The following NWD1 variants were observed in gnomAD, a reference collection of about 807,000 sequenced individuals.
The protein encoded by NWD1 is NACHT domain- and WD repeat-containing protein 1.
NWD1 carries 129 observed loss-of-function variants against 135.1 expected under a neutral mutation model. That is an observed-to-expected ratio of 0.96 (90% CI 0.83 to 1.11). NWD1 has a LOEUF of 1.11. Among genes scored for constraint, NWD1 ranks in the 50% least tolerant of loss-of-function variants. The pLI is 0.00. For missense variants in NWD1, 1,740 were observed against 1,851.3 expected (o/e 0.94, Z 1.10); for synonymous variants, 773 against 786.0 (o/e 0.98, Z 0.28).
At chr19:16,746,674 AAC>A (rs1404590512) in intron 5 of NWD1, among the ~76,000 whole-genome samples, 13 of 116,388 alleles carry the variant, frequency 1.1e-4, no homozygotes, top group Non-Finnish European at 1.7e-4. Context: ...TCTGTCTAAA[AAC>A]AAAAAACAAA....
At chr19:16,783,669 A>G (rs1447780107) in intron 12 of NWD1, among the ~76,000 whole-genome samples, 1 of 149,610 alleles carries the variant, frequency 6.7e-6, no homozygotes, top group Non-Finnish European at 1.5e-5. Context: ...AAATAAATAA[A>G]ATAAAAATAA....
At chr19:16,737,774 C>A (rs531016156) in intron 4 of NWD1, among the ~76,000 whole-genome samples, 19 of 151,646 alleles carry the variant, frequency 1.3e-4, no homozygotes, top group Non-Finnish European at 2.5e-4. Flanking sequence ...GAGATTGAGA[C>A]CAGCCTGGGC....
At chr19:16,788,375 C>T (rs886428675) in intron 12 of NWD1, among the ~76,000 whole-genome samples, 2 of 150,474 alleles carry the variant, frequency 1.3e-5, no homozygotes, top group Non-Finnish European at 1.5e-5. Context: ...TCAAGGCCAG[C>T]CTCGCCAACA....
Position 16,723,745 on chromosome 19 carries a change from G to T in NWD1, c.-104-621G>T, listed in dbSNP as rs998434182. ...GATGGACTGTCCCTCTGTTGCCAAG[G>T]CTGGGTGTGGTGTGATCTCAGCTCA... On this transcript the variant is annotated intron_variant, in intron 1 of 18. Transcript: ENST00000524140. Among the ~76,000 whole-genome samples, 3 of 152,050 alleles carry T rather than the reference G, an allele frequency of 2.0e-5. No individual in the cohort carries two copies. In the South Asian group the frequency reaches 6.2e-4, roughly 32 times the overall value.
chr19:16,785,444 G>T (rs944187641), intron 12 of NWD1, among the ~76,000 whole-genome samples: 1 of 151,830 alleles, frequency 6.6e-6, no homozygotes, highest in African/African-American at 2.4e-5. Flanking sequence ...CCTGGAGTGG[G>T]AGGTTGCAGT....
chr19:16,783,739 A>G (rs1969943349), intron 12 of NWD1, among the ~76,000 whole-genome samples: 1 of 151,648 alleles, frequency 6.6e-6, no homozygotes, highest in Admixed American at 6.6e-5. Context: ...TAAAACAAAT[A>G]AACAAATAAA....
intron 4 of NWD1, among the ~76,000 whole-genome samples, chr19:16,737,057 C>T (rs771602253): frequency 3.8e-4 from 57 of 151,682 alleles, no homozygotes; most frequent in Non-Finnish European, 6.3e-4. Context: ...CACTTTATGT[C>T]TATAGAACTT....
chr19:16,778,500 T>TCTTCTTCTTC (rs1568373636), intron 11 of NWD1, among the ~76,000 whole-genome samples: 1 of 140,644 alleles, frequency 7.1e-6, no homozygotes, highest in African/African-American at 3.1e-5. Context: ...TCTTCTTTTT[T>TCTTCTTCTTC]TTTTTTTTGT....
intron 10 of NWD1, among the ~76,000 whole-genome samples, chr19:16,768,636 T>G (rs1056849216): frequency 6.6e-6 from 1 of 152,096 alleles, no homozygotes; most frequent in African/African-American, 2.4e-5. Context: ...CTCACACATT[T>G]TAATTTTACA....
At chr19:16,741,881 T>G (rs1172637582) in intron 4 of NWD1, among the ~76,000 whole-genome samples, 1 of 151,486 alleles carries the variant, frequency 6.6e-6, no homozygotes, top group Non-Finnish European at 1.5e-5. Flanking sequence ...GAGGCTGAGG[T>G]GGGCAGATTA....
At chr19:16,732,233 A>T (rs1170226793) in intron 3 of NWD1, among the ~76,000 whole-genome samples, 4 of 133,282 alleles carry the variant, frequency 3.0e-5, no homozygotes, top group African/African-American at 1.2e-4. Flanking sequence ...AAAAAAAAAA[A>T]AGGCAGATGG....
intron 11 of NWD1, among the ~76,000 whole-genome samples, chr19:16,778,494 C>CTTT (rs11307621): frequency 4.0e-4 from 43 of 107,564 alleles, no homozygotes; most frequent in African/African-American, 1.7e-3. Context: ...TCTTCTTCTT[C>CTTT]TTTTTTTTTT....
rs1371576867 is a variant in NWD1 at position 16,817,902 on chromosome 19, T to C, written c.*2863T>C. On this transcript the variant is annotated 3_prime_UTR_variant, in exon 19 of 19. Coordinates refer to ENST00000524140, the MANE Select transcript of NWD1 (RefSeq NM_001007525.5). ...GAGAATTGATTGTTTTGTAGATAAA[T>C]CCTAATTTAAACATTGGAAATGCCT... The C allele has an allele frequency of 2.6e-5, 4 of 152,192 alleles. No homozygotes were observed. Among genetic ancestry groups the C allele is most frequent in the Non-Finnish European group, 5.9e-5 (4 of 68,020 alleles). The allele number at this position is 152,192 out of a possible 1,614,324, so 9.4% of individuals were successfully genotyped here.
In NWD1 at chr19:16,749,685, C is replaced by A; in HGVS notation, c.1043C>A (p.Thr348Lys). Reference sequence around the variant, plus strand: ...TTTGGGCCCCCAGGCATTGGAAAGACAGCCCTGATGTGCAAGCTGGCTGAG... The same window carrying A: ...TTTGGGCCCCCAGGCATTGGAAAGAAAGCCCTGATGTGCAAGCTGGCTGAG... ...VLFGPPGIGKTALMCKLAEQM... is the reference protein window; with the variant it reads ...VLFGPPGIGKKALMCKLAEQM... Residue 348 changes from threonine to lysine, a missense_variant, in exon 6 of 19, where the codon ACA (threonine) becomes AAA (lysine). By Grantham distance (78) the Thr-to-Lys change is moderately conservative (BLOSUM62 -1). Coordinates refer to ENST00000524140, the MANE Select transcript of NWD1 (RefSeq NM_001007525.5). 6.3e-7 allele frequency: 1 copy of A among 1,599,966 alleles called. No homozygotes were observed. The highest frequency in any genetic ancestry group is 8.5e-7 in the Non-Finnish European group (1 of 1,171,250).
intron 1 of NWD1, among the ~76,000 whole-genome samples, chr19:16,723,379 T>G (rs1967208128): frequency 6.6e-6 from 1 of 152,146 alleles, no homozygotes; most frequent in South Asian, 2.1e-4. Flanking sequence ...TTAAATTTTT[T>G]GTAGAAATGG....
intron 10 of NWD1, among the ~76,000 whole-genome samples, chr19:16,772,754 G>A (rs1969459972): frequency 6.6e-6 from 1 of 152,108 alleles, no homozygotes; most frequent in Admixed American, 6.6e-5. Context: ...AGGATTGCTT[G>A]AGCCCAGAAG....
Position 16,797,898 on chromosome 19 carries a change from T to C in NWD1, c.3459+12T>C, listed in dbSNP as rs773633792. The C allele has an allele frequency of 4.0e-5, 65 of 1,607,244 alleles. No individual in the cohort carries two copies. Among genetic ancestry groups the C allele is most frequent in the Non-Finnish European group, 5.4e-5 (64 of 1,176,396 alleles). ...ATGCGCTCATTCAGGTGAGGGGAGATCTGGGACCCTTCATCCTCACCTCCA... is the reference window on the plus strand; with the variant it reads ...ATGCGCTCATTCAGGTGAGGGGAGACCTGGGACCCTTCATCCTCACCTCCA... On this transcript the variant is annotated intron_variant, in intron 16 of 18. Transcript: ENST00000524140.
intron 4 of NWD1, among the ~76,000 whole-genome samples, chr19:16,743,675 A>ATTT (rs1568343885): frequency 3.4e-4 from 52 of 151,716 alleles, no homozygotes; most frequent in African/African-American, 8.7e-4. Context: ...TTTATTTATT[A>ATTT]GTTTGTTTAT....
chr19:16,752,230 T>C (rs1170644172), intron 6 of NWD1, among the ~76,000 whole-genome samples: 1 of 151,996 alleles, frequency 6.6e-6, no homozygotes, highest in African/African-American at 2.4e-5. Flanking sequence ...TTTTTTTTTT[T>C]CTCAGCCTGT....
Sources: allele counts gnomAD v4.1 joint callset (sites outside exome capture counted in the v4.1 genomes callset), GRCh38; gene constraint gnomAD v4.1.1; transcripts MANE v1.5; gene names NCBI Gene and HGNC (gene_info 2026-07-23, HGNC 2026-07-21).